Variants in MYO10 observed in about 807,000 individuals in gnomAD.
MYO10 encodes unconventional myosin-X.
In MYO10, 133 loss-of-function variants were observed where a neutral mutation model predicts 257.3. The ratio of observed to expected loss-of-function variants is 0.52; its 90% CI spans 0.45 to 0.60. The LOEUF (loss-of-function observed/expected upper bound fraction) is 0.60, where lower values mean the gene tolerates loss of function less well. Ranked by LOEUF, MYO10 falls within the 20% of genes least tolerant of loss-of-function variation. The pLI, the probability that MYO10 is intolerant of heterozygous loss-of-function variation, is 0.00. For missense variants in MYO10, 2,399 were observed against 2,635.7 expected (o/e 0.91, Z 1.97); for synonymous variants, 1,104 against 1,028.6 (o/e 1.07, Z -1.40).
intron 2 of MYO10, among the ~76,000 whole-genome samples, chr5:16,872,811 C>A (rs10213774): frequency 0.037 from 5,705 of 152,242 alleles, 376 homozygotes; most frequent in African/African-American, 0.13. Flanking sequence ...CTCATCAGAT[C>A]TTGTGAGACT....
chr5:16,686,065 T>C (rs575266952), intron 28 of MYO10, among the ~76,000 whole-genome samples: 57 of 152,350 alleles, frequency 3.7e-4, no homozygotes, highest in African/African-American at 1.4e-3. Flanking sequence ...TTTAGGTCAA[T>C]GGACGGCCTT....
intron 1 of MYO10, among the ~76,000 whole-genome samples, chr5:16,898,931 A>AGGTCAGGAGTTC (rs1444630795): frequency 3.6e-4 from 46 of 127,896 alleles, no homozygotes; most frequent in South Asian, 1.1e-3. Context: ...AGATCACCTG[A>AGGTCAGGAGTTC]GCCTGGCCAC....
chr5:16,699,209 C>T (rs1198199351), intron 26 of MYO10, among the ~76,000 whole-genome samples: 2 of 152,208 alleles, frequency 1.3e-5, no homozygotes, highest in East Asian at 1.9e-4. Flanking sequence ...AGGGGAGTCA[C>T]GACTGTGTTC....
At chr5:16,916,032 A>G in intron 1 of MYO10, 1 of 456,198 alleles carries the variant, frequency 2.2e-6, no homozygotes, top group Non-Finnish European at 4.4e-6. Context: ...CTGGTGAGTA[A>G]ATATTCAAAG....
chr5:16,832,377 A>G (rs1320750136), intron 2 of MYO10, among the ~76,000 whole-genome samples: 1 of 152,240 alleles, frequency 6.6e-6, no homozygotes, highest in Non-Finnish European at 1.5e-5. Flanking sequence ...TAAGGGGTTT[A>G]ATACATTTTT....
chr5:16,912,052 GTTGTTTGT>G (rs372889905), intron 1 of MYO10, among the ~76,000 whole-genome samples: 27 of 151,982 alleles, frequency 1.8e-4, no homozygotes, highest in South Asian at 1.2e-3. Flanking sequence ...AAAAAATTAG[GTTGTTTGT>G]TTGTTTGTTT....
At chr5:16,794,603 T>C (rs1249661608) in intron 4 of MYO10, 43 bp downstream of exon 4, 8 of 1,559,538 alleles carry the variant, frequency 5.1e-6, no homozygotes, top group Non-Finnish European at 7.0e-6. Context: ...GCGGAGGGAC[T>C]CCTGGGCCAT....
intron 1 of MYO10, among the ~76,000 whole-genome samples, chr5:16,918,831 G>T (rs1745900590): frequency 6.6e-6 from 1 of 152,122 alleles, no homozygotes; most frequent in Non-Finnish European, 1.5e-5. Flanking sequence ...CCCTCACTCG[G>T]AACAGGGATC....
intron 11 of MYO10, among the ~76,000 whole-genome samples, chr5:16,765,398 T>C (rs1740834158): frequency 6.6e-6 from 1 of 152,212 alleles, no homozygotes; most frequent in South Asian, 2.1e-4. Context: ...GGACTCAGAC[T>C]GGCTCTCCTT....
chr5:16,703,958 T>C (rs1316983230), intron 22 of MYO10, among the ~76,000 whole-genome samples: 1 of 145,486 alleles, frequency 6.9e-6, no homozygotes, highest in African/African-American at 2.5e-5. Flanking sequence ...ATAGCCAAAA[T>C]GATAACACCA....
At chr5:16,727,809 C>T (rs1396557783) in intron 19 of MYO10, among the ~76,000 whole-genome samples, 1 of 149,258 alleles carries the variant, frequency 6.7e-6, no homozygotes, top group Non-Finnish European at 1.5e-5. Context: ...GAGGACAGAG[C>T]TGTAATAAAG....
chr5:16,672,462 A>T (rs1416742983), intron 37 of MYO10, among the ~76,000 whole-genome samples: 1 of 152,174 alleles, frequency 6.6e-6, no homozygotes, highest in Non-Finnish European at 1.5e-5. Flanking sequence ...GAGAAAAGGA[A>T]TGGGGTAAAA....
At chr5:16,860,896 TTA>T (rs534042294) in intron 2 of MYO10, among the ~76,000 whole-genome samples, 3,883 of 152,260 alleles carry the variant, frequency 0.026, 166 homozygotes, top group African/African-American at 0.089. Flanking sequence ...AAAGGCCTCG[TTA>T]GCACTTTCTA....
intron 4 of MYO10, among the ~76,000 whole-genome samples, chr5:16,793,285 A>G (rs564018294): frequency 6.6e-6 from 1 of 152,340 alleles, no homozygotes; most frequent in Non-Finnish European, 1.5e-5. Context: ...CATACATGTG[A>G]TGAGGTCAAT....
In MYO10 at chr5:16,674,885, C is replaced by T; in HGVS notation, c.4932G>A (p.Gly1644=). Residue 1644 remains glycine (G), a synonymous_variant, in exon 35 of 41, where the codon GGG becomes GGA. Coordinates refer to ENST00000513610, the MANE Select transcript of MYO10 (RefSeq NM_012334.3). ...GATGGAACTTGAGATACTTGAGAAT[C>T]CCTCGACTCGGCAGGAAGGTGCAGC... ...CLSCTFLPSR[G]ILKYLKFHLK... is the part of the protein sequence containing the mutation. 1 of 1,613,970 alleles carries T rather than the reference C, an allele frequency of 6.2e-7. No homozygotes were observed. Among genetic ancestry groups the T allele is most frequent in the Non-Finnish European group, 8.5e-7 (1 of 1,179,890 alleles).
intron 19 of MYO10, among the ~76,000 whole-genome samples, chr5:16,715,145 CAAAA>C (rs58252444): frequency 1.1e-3 from 99 of 87,932 alleles, no homozygotes; most frequent in African/African-American, 3.1e-3. Flanking sequence ...GGCAATTGGA[CAAAA>C]AAAAAAAAAA....
At chr5:16,904,343 T>C (rs543367279) in intron 1 of MYO10, among the ~76,000 whole-genome samples, 4 of 152,258 alleles carry the variant, frequency 2.6e-5, no homozygotes, top group Non-Finnish European at 4.4e-5. Flanking sequence ...AGTGTTCCCT[T>C]GAGTTCTGTG....
chr5:16,668,169 A>G, intron 40 of MYO10, 108 bp downstream of exon 40: 1 of 1,260,572 alleles, frequency 7.9e-7, no homozygotes, highest in Admixed American at 2.5e-5. Flanking sequence ...TGTTTTGAAG[A>G]AAAATATTCA....
chr5:16,767,823 G>A (rs1260146347), intron 10 of MYO10, among the ~76,000 whole-genome samples: 3 of 151,808 alleles, frequency 2.0e-5, no homozygotes, highest in Non-Finnish European at 2.9e-5. Context: ...AATTACAGGC[G>A]CACACCACCA....
Sources: allele counts gnomAD v4.1 joint callset (sites outside exome capture counted in the v4.1 genomes callset), GRCh38; gene constraint gnomAD v4.1.1; transcripts MANE v1.5; gene names NCBI Gene and HGNC (gene_info 2026-07-23, HGNC 2026-07-21).